Variants in LMAN2L observed in about 807,000 individuals in gnomAD.
LMAN2L encodes the protein lectin, mannose binding 2 like, also known as VIP36-like protein.
In LMAN2L, 30 loss-of-function variants were observed where a neutral mutation model predicts 44.3. The ratio of observed to expected loss-of-function variants is 0.68; its 90% CI spans 0.51 to 0.92. The LOEUF (loss-of-function observed/expected upper bound fraction) is 0.92, where lower values mean the gene tolerates loss of function less well. Ranked by LOEUF, LMAN2L falls within the 40% of genes least tolerant of loss-of-function variation. The pLI, the probability that LMAN2L is intolerant of heterozygous loss-of-function variation, is 0.00. For synonymous variants in LMAN2L, 183 were observed against 171.1 expected (o/e 1.07, Z -0.54); for missense variants, 429 against 446.1 (o/e 0.96, Z 0.35).
At position 96,707,219 on chromosome 2, in the gene LMAN2L, T is replaced by A; in HGVS notation, c.*37A>T. The stretch of plus-strand genomic sequence containing the variant: ...CAGTGCCTGCTCCTTCCATACCTCA[T>A]GGGTGACAGTCACAAAAGTGGTGGC... On this transcript the variant is annotated 3_prime_UTR_variant, in exon 8 of 8. Transcript: ENST00000264963. The A allele has an allele frequency of 1.2e-6, 2 of 1,607,116 alleles. No homozygotes were observed. Among genetic ancestry groups the A allele is most frequent in the Non-Finnish European group, 1.7e-6 (2 of 1,175,016 alleles).
At chr2:96,715,934 G>A (rs1468190839) in intron 4 of LMAN2L, among the ~76,000 whole-genome samples, 2 of 152,108 alleles carry the variant, frequency 1.3e-5, no homozygotes, top group African/African-American at 4.8e-5. Context: ...AGCTCACAGG[G>A]TTCATTATGA....
At position 96,707,781 on chromosome 2, in the gene LMAN2L, G is replaced by A. The variant is rs1447789537; in HGVS notation, c.837C>T (p.Thr279=). 6.2e-7 allele frequency: 1 copy of A among 1,613,654 alleles called. No individual in the cohort carries two copies. Among genetic ancestry groups the A allele is most frequent in the African/African-American group, 1.3e-5 (1 of 74,868 alleles). ...LKLFELTVER[T]PEEEKLHRDV... is the part of the protein sequence containing the mutation. ...CTCGATGGAGCTTTTCCTCTTCTGG[G>A]GTTCTCTCCACTGTCAGTTCAAACA... The change falls in exon 7 of 8, where the codon ACC becomes ACT. Residue 279 remains threonine, a synonymous_variant. Transcript: ENST00000264963.
chr2:96,711,446 C>T (rs565342921), intron 6 of LMAN2L, among the ~76,000 whole-genome samples: 1 of 152,332 alleles, frequency 6.6e-6, no homozygotes, highest in Non-Finnish European at 1.5e-5. Context: ...TCTATTAGCA[C>T]CAACCATCTT....
At chr2:96,731,701 G>T (rs1180529894) in intron 4 of LMAN2L, among the ~76,000 whole-genome samples, 3 of 152,040 alleles carry the variant, frequency 2.0e-5, no homozygotes, top group Non-Finnish European at 4.4e-5. Flanking sequence ...AATGTTAACA[G>T]CTGTTGAATC....
intron 4 of LMAN2L, among the ~76,000 whole-genome samples, chr2:96,723,742 A>G (rs1229544037): frequency 6.6e-6 from 1 of 152,184 alleles, no homozygotes; most frequent in Non-Finnish European, 1.5e-5. Flanking sequence ...TTACACGTGG[A>G]TAACTAGTTG....
chr2:96,707,337 C>T lies in LMAN2L; in HGVS notation c.966G>A (p.Leu322=). The T allele has an allele frequency of 6.2e-7, 1 of 1,613,910 alleles. No homozygotes were observed. Among genetic ancestry groups the T allele is most frequent in the Non-Finnish European group, 8.5e-7 (1 of 1,179,902 alleles). ...TGACTATGGCAAATACAGAAAACAC[C>T]AGGGAGAAAAAGACGATGAGGAAGA... The part of the protein sequence containing the change: ...LALFLIVFFS[L]VFSVFAIVIG... The change falls in exon 8 of 8, where the codon CTG becomes CTA. Residue 322 remains leucine (L), a synonymous_variant. Coordinates refer to ENST00000264963, the MANE Select transcript of LMAN2L (RefSeq NM_030805.4).
At position 96,734,403 on chromosome 2, in the gene LMAN2L, C is replaced by T; in HGVS notation, c.424+6G>A. On this transcript the variant is annotated splice_donor_region_variant and intron_variant, in intron 3 of 7. Coordinates refer to ENST00000264963, the MANE Select transcript of LMAN2L (RefSeq NM_030805.4). ...CCCACACAAGAGTAACACAGGCTCC[C>T]AATACCTGGCTGCATCCGATCCTTT... 1.3e-6 allele frequency: 2 copies of T among 1,552,242 alleles called. No individual in the cohort carries two copies. Among genetic ancestry groups the T allele is most frequent in the East Asian group, 2.2e-5 (1 of 44,614 alleles).
intron 4 of LMAN2L, among the ~76,000 whole-genome samples, chr2:96,719,273 CAG>C (rs1466855191): frequency 3.9e-5 from 6 of 152,174 alleles, no homozygotes; most frequent in Admixed American, 1.3e-4. Flanking sequence ...ACACTTTAAT[CAG>C]AGTCTCGAAA....
rs377554942 is a variant in LMAN2L at position 96,713,892 on chromosome 2, C to T, written c.508-1867G>A. Among the ~76,000 whole-genome samples, 133 of 152,292 alleles carry T rather than the reference C, an allele frequency of 8.7e-4. 1 individual carries two copies. The highest frequency in any genetic ancestry group is 3.4e-3 in the Middle Eastern group (1 of 294). On this transcript the variant is annotated intron_variant, in intron 4 of 7. Transcript: ENST00000264963. ...AACAGCTGCAGTTCTAAGCCATTAG[C>T]GACAAGAGGTACCTACACAAGCTCA...
At chr2:96,733,343 T>C (rs1285706317) in intron 4 of LMAN2L, among the ~76,000 whole-genome samples, 176 bp downstream of exon 4, 1 of 152,194 alleles carries the variant, frequency 6.6e-6, no homozygotes, top group Non-Finnish European at 1.5e-5. Flanking sequence ...CAAAAGACTG[T>C]GCACTCCTAA....
intron 4 of LMAN2L, among the ~76,000 whole-genome samples, chr2:96,721,121 T>C (rs921355294): frequency 6.6e-6 from 1 of 151,972 alleles, no homozygotes; most frequent in Non-Finnish European, 1.5e-5. Context: ...TAGTAGTCAC[T>C]CTCCTCATCT....
At chr2:96,736,154 T>C (rs1285520442) in intron 2 of LMAN2L, among the ~76,000 whole-genome samples, 1 of 152,180 alleles carries the variant, frequency 6.6e-6, no homozygotes, top group Non-Finnish European at 1.5e-5. Flanking sequence ...ATTCCTGGCC[T>C]CCTACAGCAC....
chr2:96,725,657 G>A (rs2078255408), intron 4 of LMAN2L, among the ~76,000 whole-genome samples: 1 of 151,152 alleles, frequency 6.6e-6, no homozygotes, highest in Admixed American at 6.6e-5. Flanking sequence ...ATGTTACCCA[G>A]GATGGTCTCG....
At chr2:96,739,802 C>T in intron 1 of LMAN2L, 52 bp downstream of exon 1, 1 of 1,583,846 alleles carries the variant, frequency 6.3e-7, no homozygotes, top group Non-Finnish European at 8.6e-7. Context: ...CCCCTGAAAT[C>T]AAGTCCCGAA....
Position 96,734,536 on chromosome 2 carries a change from G to A in LMAN2L, c.307-10C>T, listed in dbSNP as rs747652435. On this transcript the variant is annotated splice_polypyrimidine_tract_variant and intron_variant, in intron 2 of 7. Transcript: ENST00000264963. Reference sequence around the variant, plus strand: ...CTCTCAGGAAACATGGCTAAAGTGAGAAAGACATTAGAATCAATGAGGAGC... The same window carrying A: ...CTCTCAGGAAACATGGCTAAAGTGAAAAAGACATTAGAATCAATGAGGAGC... The A allele has an allele frequency of 1.1e-4, 172 of 1,526,724 alleles. No homozygotes were observed. The highest frequency in any genetic ancestry group is 3.4e-4 in the Middle Eastern group (2 of 5,922). 94.6% of individuals were successfully genotyped at this position (1,526,724 alleles called of 1,614,324 possible).
At chr2:96,736,147 C>T (rs555158319) in intron 2 of LMAN2L, among the ~76,000 whole-genome samples, 1 of 152,306 alleles carries the variant, frequency 6.6e-6, no homozygotes, top group Non-Finnish European at 1.5e-5. Context: ...GTCACTGATT[C>T]CTGGCCTCCT....
chr2:96,707,590 A>G, intron 7 of LMAN2L, 124 bp downstream of exon 7: 1 of 1,319,858 alleles, frequency 7.6e-7, no homozygotes, highest in Non-Finnish European at 1.0e-6. Flanking sequence ...GGAAAGGCAG[A>G]TGAAAGTGCT....
intron 2 of LMAN2L, chr2:96,737,204 G>T (rs1159499271): frequency 2.2e-6 from 1 of 451,350 alleles, no homozygotes; most frequent in East Asian, 7.0e-5. Flanking sequence ...CATACCTCAA[G>T]GAAGACAATG....
At chr2:96,713,840 G>A (rs1367683372) in intron 4 of LMAN2L, among the ~76,000 whole-genome samples, 8 of 152,222 alleles carry the variant, frequency 5.3e-5, no homozygotes, top group East Asian at 3.8e-4. Flanking sequence ...ATCATCAGGC[G>A]TGAGGGTATT....
Sources: allele counts gnomAD v4.1 joint callset (sites outside exome capture counted in the v4.1 genomes callset), GRCh38; gene constraint gnomAD v4.1.1; transcripts MANE v1.5; gene names NCBI Gene and HGNC (gene_info 2026-07-23, HGNC 2026-07-21).